Variants in RIMS2 observed in about 807,000 individuals in gnomAD.
RIMS2 encodes the protein regulating synaptic membrane exocytosis 2, also known as regulating synaptic membrane exocytosis protein 2.
RIMS2 carries 59 observed loss-of-function variants against 174.4 expected under a neutral mutation model. The observed-to-expected ratio is 0.34, with a 90% confidence interval of 0.27 to 0.42. The LOEUF is 0.42. Ranked by LOEUF, RIMS2 falls within the 10% of genes least tolerant of loss-of-function variation. The pLI is 1.00. For missense variants in RIMS2, 1,620 were observed against 1,666.3 expected (o/e 0.97, Z 0.48); for synonymous variants, 606 against 572.5 (o/e 1.06, Z -0.84).
intron 19 of RIMS2, among the ~76,000 whole-genome samples, chr8:104,112,622 T>C (rs990853849): frequency 6.6e-6 from 1 of 152,200 alleles, no homozygotes; most frequent in African/African-American, 2.4e-5. Context: ...AGAATTTAGG[T>C]TCAATCTGTA....
chr8:103,961,926 T>G (rs1261108726), intron 15 of RIMS2, among the ~76,000 whole-genome samples: 1 of 152,138 alleles, frequency 6.6e-6, no homozygotes, highest in Non-Finnish European at 1.5e-5. Context: ...TTTTTTCCCT[T>G]TCTTTGTACT....
chr8:103,961,217 G>T, intron 15 of RIMS2, 84 bp downstream of exon 17: 1 of 764,926 alleles, frequency 1.3e-6, no homozygotes. Flanking sequence ...AAATAAAAGA[G>T]AAAGATATAA....
chr8:103,981,971 T>G (rs916783768), intron 16 of RIMS2, among the ~76,000 whole-genome samples: 2 of 152,078 alleles, frequency 1.3e-5, no homozygotes, highest in Non-Finnish European at 2.9e-5. Flanking sequence ...AACAGGTTTG[T>G]TTTTTTAAAG....
At chr8:103,533,207 G>A (rs779374676) in intron 1 of RIMS2, among the ~76,000 whole-genome samples, 2 of 152,186 alleles carry the variant, frequency 1.3e-5, no homozygotes, top group South Asian at 4.1e-4. Context: ...AATCATATTT[G>A]ATTGCAGGAA....
intron 19 of RIMS2, among the ~76,000 whole-genome samples, chr8:104,099,109 C>T (rs988664154): frequency 2.0e-5 from 3 of 152,264 alleles, no homozygotes; most frequent in Admixed American, 6.5e-5. Context: ...GATGATTTGC[C>T]TTTATTATCA....
At chr8:103,736,106 G>C (rs1351116024) in intron 2 of RIMS2, among the ~76,000 whole-genome samples, 1 of 152,040 alleles carries the variant, frequency 6.6e-6, no homozygotes, top group African/African-American at 2.4e-5. Context: ...TTGCAGCTCA[G>C]CTTTTCATTT....
chr8:104,206,218 G>C (rs960414771), intron 19 of RIMS2, among the ~76,000 whole-genome samples: 6 of 152,130 alleles, frequency 3.9e-5, no homozygotes, highest in Admixed American at 3.9e-4. Flanking sequence ...GGGTTATTGA[G>C]TTATTTTTAT....
chr8:103,652,310 C>T, intron 1 of RIMS2, 73 bp downstream of exon 2: 3 of 815,150 alleles, frequency 3.7e-6, no homozygotes, highest in Non-Finnish European at 5.6e-6. Context: ...CTGGTATTAG[C>T]TTACACTAAT....
chr8:103,631,504 A>G (rs1267863721), intron 1 of RIMS2, among the ~76,000 whole-genome samples: 1 of 152,158 alleles, frequency 6.6e-6, no homozygotes, highest in Admixed American at 6.5e-5. Context: ...TAGTTTTTGT[A>G]CCAGTACCGA....
intron 2 of RIMS2, among the ~76,000 whole-genome samples, chr8:103,710,637 CT>C (rs1182779373): frequency 6.6e-6 from 1 of 151,904 alleles, no homozygotes; most frequent in African/African-American, 2.4e-5. Context: ...CTTTTTGTTT[CT>C]TTTACTTTTT....
chr8:104,018,699 G>T (rs943555434), intron 19 of RIMS2, among the ~76,000 whole-genome samples: 2 of 151,992 alleles, frequency 1.3e-5, no homozygotes, highest in Non-Finnish European at 2.9e-5. Context: ...TTCTCCTATG[G>T]ATTTTGAATC....
intron 1 of RIMS2, among the ~76,000 whole-genome samples, chr8:103,672,687 C>T (rs1476222669): frequency 1.3e-5 from 2 of 152,040 alleles, no homozygotes; most frequent in Non-Finnish European, 2.9e-5. Flanking sequence ...TACTAGGCCT[C>T]ACCTCCAGCA....
intron 4 of RIMS2, among the ~76,000 whole-genome samples, chr8:103,896,759 T>C (rs1168891789): frequency 6.6e-6 from 1 of 151,678 alleles, no homozygotes; most frequent in Non-Finnish European, 1.5e-5. Context: ...GCAGGGATGA[T>C]TAGATGGGAT....
At chr8:104,090,018 T>C (rs2154564512) in intron 19 of RIMS2, among the ~76,000 whole-genome samples, 1 of 150,962 alleles carries the variant, frequency 6.6e-6, no homozygotes, top group South Asian at 2.1e-4. Flanking sequence ...CTAATGGGGG[T>C]TTGAAAATTA....
chr8:104,094,261 G>C (rs2097714631), intron 19 of RIMS2, among the ~76,000 whole-genome samples: 2 of 151,922 alleles, frequency 1.3e-5, no homozygotes, highest in South Asian at 4.1e-4. Flanking sequence ...TTTTGTAAAA[G>C]GAAAATATGA....
At chr8:103,542,178 A>C (rs1254546979) in intron 1 of RIMS2, among the ~76,000 whole-genome samples, 1 of 152,180 alleles carries the variant, frequency 6.6e-6, no homozygotes, top group Admixed American at 6.5e-5. Flanking sequence ...AGACCACAGA[A>C]ACACAAAAGA....
rs148289872 is a variant in RIMS2, at chr8:103,808,513, G to A, written c.698+41976G>A. Among the ~76,000 whole-genome samples, 3 of 152,220 alleles carry A rather than the reference G, an allele frequency of 2.0e-5. No homozygotes were observed. In the East Asian group the frequency reaches 5.8e-4, roughly 29 times the overall value. On this transcript the variant is annotated intron_variant, in intron 3 of 23. Coordinates refer to ENST00000504942, the Ensembl canonical transcript of RIMS2. ...GTTGAGAACTCTCTTCTGAACTGCAGAGTGACATATTTAATTGCTTACTTC... is the reference window on the plus strand; with the variant it reads ...GTTGAGAACTCTCTTCTGAACTGCAAAGTGACATATTTAATTGCTTACTTC...
intron 1 of RIMS2, among the ~76,000 whole-genome samples, chr8:103,546,370 A>G (rs1479640039): frequency 6.6e-6 from 1 of 152,242 alleles, no homozygotes; most frequent in African/African-American, 2.4e-5. Flanking sequence ...AGGAGCACCC[A>G]GACTCATAAA....
chr8:104,229,643 G>A (rs2099212778), intron 19 of RIMS2, among the ~76,000 whole-genome samples: 1 of 152,072 alleles, frequency 6.6e-6, no homozygotes, highest in African/African-American at 2.4e-5. Context: ...TTTCTCGGCA[G>A]CTAGCTCTCT....
Sources: allele counts gnomAD v4.1 joint callset (sites outside exome capture counted in the v4.1 genomes callset), GRCh38; gene constraint gnomAD v4.1.1; transcripts MANE v1.5; gene names NCBI Gene and HGNC (gene_info 2026-07-23, HGNC 2026-07-21).